Variants in TOR1B observed in about 807,000 individuals in gnomAD.
TOR1B encodes the protein torsin family 1 member B.
TOR1B carries 14 observed loss-of-function variants against 29.2 expected under a neutral mutation model. That is an observed-to-expected ratio of 0.48 (90% confidence interval 0.32 to 0.75). TOR1B has a LOEUF of 0.75. Among genes scored for constraint, TOR1B ranks in the 30% least tolerant of loss-of-function variants. TOR1B has a pLI of 0.04. For missense variants in TOR1B, 400 were observed against 433.9 expected (o/e 0.92, Z 0.69); for synonymous variants, 166 against 179.8 (o/e 0.92, Z 0.62).
intron 1 of TOR1B, 60 bp downstream of exon 1, chr9:129,803,471 C>T (rs2030287134): frequency 7.9e-7 from 1 of 1,262,632 alleles, no homozygotes; most frequent in Non-Finnish European, 9.9e-7. Flanking sequence ...CGCGGGGGCG[C>T]GGAGGGACGG....
rs201293603 is a variant in TOR1B, at chr9:129,808,939, C to G, written c.676C>G (p.Leu226Val). ...AGGDLITKTA[L>V]DFWRAGRKRE... ...CGGGGACCTTATAACTAAGACGGCT[C>G]TTGACTTTTGGCGGGCCGGAAGAAA... The change falls in exon 4 of 5, where the codon CTT (leucine) becomes GTT (valine). Residue 226 changes from leucine (L) to valine (V), a missense_variant. Coordinates refer to ENST00000259339, the MANE Select transcript of TOR1B (RefSeq NM_014506.3). 35 of 1,613,886 alleles carry G rather than the reference C, an allele frequency of 2.2e-5. No individual in the cohort carries two copies. The highest frequency in any genetic ancestry group is 2.9e-5 in the Non-Finnish European group (34 of 1,180,008).
Position 129,810,756 on chromosome 9 carries a change from G to A in TOR1B, c.*1173G>A. 1 of 153,536 alleles carries A rather than the reference G, an allele frequency of 6.5e-6. No homozygotes were observed. Among genetic ancestry groups the A allele is most frequent in the South Asian group, 2.0e-4 (1 of 4,934 alleles). 9.5% of individuals were successfully genotyped at this position (153,536 alleles called of 1,614,324 possible). On this transcript the variant is annotated 3_prime_UTR_variant, in exon 5 of 5. Coordinates refer to ENST00000259339, the MANE Select transcript of TOR1B (RefSeq NM_014506.3). ...ATCTTAAATGATGGAAGTATAGGAC[G>A]TTGCTTATTTTAAAACAAGGGAAGG...
Position 129,810,214 on chromosome 9 carries a change from G to T in TOR1B, c.*631G>T. 7.7e-7 allele frequency: 1 copy of T among 1,304,200 alleles called. No individual in the cohort carries two copies. 80.8% of individuals were successfully genotyped at this position (1,304,200 alleles called of 1,614,324 possible). A position where few individuals can be genotyped will look rare whatever the true frequency, so the allele number is the denominator to read the frequency against. On this transcript the variant is annotated 3_prime_UTR_variant, in exon 5 of 5. Coordinates refer to ENST00000259339, the MANE Select transcript of TOR1B (RefSeq NM_014506.3). ...CAAAAACATCCTTTTGCTCTGTCTC[G>T]TTCTTTACACAGAGTTCACTGACTT...
chr9:129,806,884 C>T (rs1198368835), intron 2 of TOR1B, among the ~76,000 whole-genome samples: 2 of 151,952 alleles, frequency 1.3e-5, no homozygotes, highest in African/African-American at 4.8e-5. Flanking sequence ...GACCCTGTTT[C>T]CAAAGACAAA....
chr9:129,805,195 G>C (rs1243634777), intron 2 of TOR1B, among the ~76,000 whole-genome samples: 3 of 150,918 alleles, frequency 2.0e-5, no homozygotes, highest in Admixed American at 6.6e-5. Context: ...GCTCACGCCT[G>C]TAATCCCAGC....
At chr9:129,807,827 CAG>C (rs1432934027) in intron 3 of TOR1B, among the ~76,000 whole-genome samples, 49 of 145,070 alleles carry the variant, frequency 3.4e-4, no homozygotes, top group African/African-American at 1.2e-3. Flanking sequence ...GCCTGGGTGA[CAG>C]AGTGAGACTC....
intron 3 of TOR1B, among the ~76,000 whole-genome samples, chr9:129,807,586 C>T (rs1051337177): frequency 1.3e-5 from 2 of 152,154 alleles, no homozygotes; most frequent in African/African-American, 4.8e-5. Flanking sequence ...GGCGCGGTGG[C>T]TCACACCTGT....
chr9:129,804,994 C>T (rs940899917), intron 2 of TOR1B, among the ~76,000 whole-genome samples: 1 of 148,982 alleles, frequency 6.7e-6, no homozygotes, highest in Non-Finnish European at 1.5e-5. Context: ...AAAAATTAGC[C>T]GGGGATGGTG....
At position 129,809,627 on chromosome 9, in the gene TOR1B, C is replaced by A; in HGVS notation, c.*44C>A. The A allele has an allele frequency of 5.0e-6, 8 of 1,608,036 alleles. No individual in the cohort carries two copies. The highest frequency in any genetic ancestry group is 2.6e-6 in the Non-Finnish European group (3 of 1,176,078). On this transcript the variant is annotated 3_prime_UTR_variant, in exon 5 of 5. Transcript: ENST00000259339. ...TAGGAGACAGCTGGGAGGCTCCGCA[C>A]GCCAGAGGCCTTGCCTTTCAGAAGA...
At chr9:129,804,362 G>A (rs762802312) in intron 2 of TOR1B, 24 bp downstream of exon 2, 11 of 1,604,938 alleles carry the variant, frequency 6.9e-6, no homozygotes, top group South Asian at 1.1e-5. Context: ...CTATTATCTC[G>A]TCTGCAGGCC....
Position 129,804,315 on chromosome 9 carries a change from G to C in TOR1B, c.442G>C (p.Glu148Gln), listed in dbSNP as rs896163968. ...LFVSTLHFPH[E>Q]QKIKLYQDQL... Reference sequence around the variant, plus strand: ...TGTATCGACTCTGCACTTCCCTCATGAGCAGAAGATAAAACTGTACCAGGC... The same window carrying C: ...TGTATCGACTCTGCACTTCCCTCATCAGCAGAAGATAAAACTGTACCAGGC... The change falls in exon 2 of 5, where the codon GAG becomes CAG. Residue 148 changes from glutamate (E) to glutamine (Q), a missense_variant. Transcript: ENST00000259339. 20 of 1,613,680 alleles carry C rather than the reference G, an allele frequency of 1.2e-5. No individual in the cohort carries two copies. The highest frequency in any genetic ancestry group is 1.7e-5 in the Non-Finnish European group (20 of 1,179,624).
chr9:129,810,050 C>T lies in TOR1B; in HGVS notation c.*467C>T. ...CTGAAAACAGCTGTGCATGGCAGGC[C>T]CGGCAATAGCTTCTGACCCACAGCA... On this transcript the variant is annotated 3_prime_UTR_variant, in exon 5 of 5. Coordinates refer to ENST00000259339, the MANE Select transcript of TOR1B (RefSeq NM_014506.3). The T allele has an allele frequency of 8.1e-7, 1 of 1,229,512 alleles. No homozygotes were observed. Among genetic ancestry groups the T allele is most frequent in the Non-Finnish European group, 1.1e-6 (1 of 947,968 alleles). The allele number at this position is 1,229,512 out of a possible 1,614,324, so 76.2% of individuals were successfully genotyped here.
chr9:129,803,540 T>C (rs2030292477), intron 1 of TOR1B, 129 bp downstream of exon 1: 2 of 848,728 alleles, frequency 2.4e-6, no homozygotes, highest in Admixed American at 5.0e-5. Flanking sequence ...TGGTCCCAGC[T>C]GGGGTGGGCG....
In TOR1B at chr9:129,810,353, G is replaced by GT; in HGVS notation, c.*770_*771insT. On this transcript the variant is annotated 3_prime_UTR_variant, in exon 5 of 5. Transcript: ENST00000259339. ...AGCTGACCTGTGTGTGTGTGTGTGG[G>GT]GGGGTGGGGCCTTCACCTAAGACCT... 2.7e-6 allele frequency: 3 copies of GT among 1,092,832 alleles called. 1 individual carries two copies. The highest frequency in any genetic ancestry group is 3.6e-6 in the Non-Finnish European group (3 of 822,934). The allele number at this position is 1,092,832 out of a possible 1,614,324, so 67.7% of individuals were successfully genotyped here.
At chr9:129,809,070 A>G (rs2030678803) in intron 4 of TOR1B, 38 bp downstream of exon 4, 6 of 1,567,892 alleles carry the variant, frequency 3.8e-6, no homozygotes, top group Middle Eastern at 1.8e-4. Context: ...TTAACTGTCC[A>G]GCAGTGAGCC....
intron 2 of TOR1B, among the ~76,000 whole-genome samples, chr9:129,804,836 CAAAA>C (rs34803368): frequency 4.0e-5 from 2 of 50,378 alleles, no homozygotes; most frequent in Non-Finnish European, 3.8e-5. Context: ...TACTCGGTCT[CAAAA>C]AAAAAAAAAA....
Position 129,810,809 on chromosome 9 carries a change from T to C in TOR1B, c.*1226T>C, listed in dbSNP as rs1264887988. 1 of 153,742 alleles carries C rather than the reference T, an allele frequency of 6.5e-6. No individual in the cohort carries two copies. Among genetic ancestry groups the C allele is most frequent in the African/African-American group, 2.4e-5 (1 of 41,464 alleles). 9.5% of individuals were successfully genotyped at this position (153,742 alleles called of 1,614,324 possible). On this transcript the variant is annotated 3_prime_UTR_variant, in exon 5 of 5. Transcript: ENST00000259339. ...ACAAAATGGAATGACTGCTTAGTCC[T>C]TTCTCAGATACTCTTAAAACAATTT...
intron 2 of TOR1B, among the ~76,000 whole-genome samples, chr9:129,806,501 C>A (rs902409482): frequency 5.9e-5 from 9 of 152,118 alleles, no homozygotes; most frequent in African/African-American, 2.2e-4. Flanking sequence ...TGATCTAGTT[C>A]CTTATTCCTC....
In TOR1B at chr9:129,809,777, CA is replaced by C. The variant is rs1169312350; in HGVS notation, c.*195del. ...GAGTGCAGTGGTGCAATCCTCAACT[CA>C]CTGCAACCTCCGCTCCCGGTTTGAG... On this transcript the variant is annotated 3_prime_UTR_variant, in exon 5 of 5. Coordinates refer to ENST00000259339, the MANE Select transcript of TOR1B (RefSeq NM_014506.3). 3.8e-5 allele frequency: 54 copies of C among 1,413,694 alleles called. No individual in the cohort carries two copies. In the African/African-American group the frequency reaches 6.2e-4, roughly 16 times the overall value. The allele number at this position is 1,413,694 out of a possible 1,614,324, so 87.6% of individuals were successfully genotyped here. A position where few individuals can be genotyped will look rare whatever the true frequency, so the allele number is the denominator to read the frequency against.
Sources: allele counts gnomAD v4.1 joint callset (sites outside exome capture counted in the v4.1 genomes callset), GRCh38; gene constraint gnomAD v4.1.1; transcripts MANE v1.5; gene names NCBI Gene and HGNC (gene_info 2026-07-23, HGNC 2026-07-21).